The following SCD5 variants were observed in gnomAD, a reference collection of about 807,000 sequenced individuals.
SCD5 encodes the protein stearoyl-CoA desaturase 5, also known as acyl-CoA-desaturase 4.
SCD5 carries 20 observed loss-of-function variants against 30.4 expected under a neutral mutation model. That is an observed-to-expected ratio of 0.66 (90% confidence interval 0.46 to 0.96). SCD5 has a LOEUF of 0.96. Ranked by LOEUF, SCD5 falls within the 40% of genes least tolerant of loss-of-function variation. The pLI, the probability that SCD5 is intolerant of heterozygous loss-of-function variation, is 0.00. For synonymous variants in SCD5, 173 were observed against 176.4 expected, an observed-to-expected ratio of 0.98 and a Z score of 0.16; for missense variants, 381 against 443.3, an observed-to-expected ratio of 0.86 and a Z score of 1.26.
rs778480466 is a variant in SCD5 at position 82,720,441 on chromosome 4, T to TACAAAAAAAAAAAAAAAAAAAA, written c.233-15029_233-15028insTTTTTTTTTTTTTTTTTTTTGT. On this transcript the variant is annotated intron_variant, in intron 1 of 4. Transcript: ENST00000319540. ...GATGCTGTCTCAAAAAAGGCAAAAA[T>TACAAAAAAAAAAAAAAAAAAAA]AAAAAAAAAAAAAAAAAAAAAAGAC... is the stretch of plus-strand genomic sequence containing the variant. Among the ~76,000 whole-genome samples the TACAAAAAAAAAAAAAAAAAAAA allele has an allele frequency of 5.5e-4, 43 of 77,860 alleles. 2 individuals carry two copies. Among genetic ancestry groups the TACAAAAAAAAAAAAAAAAAAAA allele is most frequent in the African/African-American group, 8.6e-4 (16 of 18,698 alleles). The allele number at this position is 77,860 out of a possible 152,430, so 51.1% of individuals were successfully genotyped here. A position where few individuals can be genotyped will look rare whatever the true frequency, so the allele number is the denominator to read the frequency against.
At chr4:82,724,468 A>C (rs2148833350) in intron 1 of SCD5, among the ~76,000 whole-genome samples, 1 of 152,290 alleles carries the variant, frequency 6.6e-6, no homozygotes, top group African/African-American at 2.4e-5. Context: ...AAATAAATAA[A>C]TAAAACAGAC....
intron 1 of SCD5, among the ~76,000 whole-genome samples, chr4:82,759,388 A>AGCG (rs1721301174): frequency 6.6e-6 from 1 of 152,126 alleles, no homozygotes; most frequent in Non-Finnish European, 1.5e-5. Context: ...CAGCTTCACA[A>AGCG]GCGGCCCTCC....
intron 3 of SCD5, among the ~76,000 whole-genome samples, chr4:82,661,337 G>C (rs1728002502): frequency 6.6e-6 from 1 of 152,108 alleles, no homozygotes; most frequent in Non-Finnish European, 1.5e-5. Context: ...ATTCATTCTG[G>C]GTAATGGAAC....
chr4:82,714,487 C>T (rs968243288), intron 1 of SCD5, among the ~76,000 whole-genome samples: 26 of 152,090 alleles, frequency 1.7e-4, no homozygotes, highest in African/African-American at 6.3e-4. Flanking sequence ...TATACAGGAG[C>T]ACCTGAAGCA....
At chr4:82,666,037 T>G (rs1310196645) in intron 3 of SCD5, among the ~76,000 whole-genome samples, 1 of 152,184 alleles carries the variant, frequency 6.6e-6, no homozygotes, top group Non-Finnish European at 1.5e-5. Flanking sequence ...ATTCTTATAT[T>G]TTGTTTATAT....
At chr4:82,727,073 T>C (rs1405419000) in intron 1 of SCD5, among the ~76,000 whole-genome samples, 6 of 152,130 alleles carry the variant, frequency 3.9e-5, no homozygotes, top group African/African-American at 1.2e-4. Flanking sequence ...GTCCACCCCA[T>C]CTCACATCTT....
intron 4 of SCD5, among the ~76,000 whole-genome samples, chr4:82,631,894 C>T (rs370939137): frequency 4.0e-5 from 6 of 151,838 alleles, no homozygotes; most frequent in African/African-American, 1.5e-4. Flanking sequence ...TTTGGAAGAG[C>T]TCAAGAGAGA....
intron 3 of SCD5, among the ~76,000 whole-genome samples, chr4:82,665,076 A>ATAT (rs1367902186): frequency 2.7e-5 from 2 of 74,938 alleles, no homozygotes; most frequent in South Asian, 3.5e-4. Flanking sequence ...ATATATATAT[A>ATAT]TTTTTTTTTT....
intron 1 of SCD5, among the ~76,000 whole-genome samples, chr4:82,776,758 C>A (rs1327776478): frequency 3.3e-5 from 5 of 152,094 alleles, no homozygotes; most frequent in East Asian, 1.9e-4. Context: ...AAAGGCTATG[C>A]CTTATTTTGT....
rs554711291 is a variant in SCD5, at chr4:82,756,788, G to A, written c.232+41518C>T. ...AACCAACACAACATCTCCCTCCTTG[G>A]TCTCCTTGTCTGTAGTCTTGCCCCC... On this transcript the variant is annotated intron_variant, in intron 1 of 4. Coordinates refer to ENST00000319540, the MANE Select transcript of SCD5 (RefSeq NM_001037582.3). Among the ~76,000 whole-genome samples, 7 of 151,814 alleles carry A rather than the reference G, an allele frequency of 4.6e-5. No individual in the cohort carries two copies. The East Asian group carries it at 1.4e-3, about 30-fold the overall frequency.
chr4:82,632,483 G>A (rs1314443350), intron 4 of SCD5, among the ~76,000 whole-genome samples: 1 of 151,974 alleles, frequency 6.6e-6, no homozygotes, highest in East Asian at 1.9e-4. Flanking sequence ...TGTTAATAGT[G>A]CCACAATAAA....
chr4:82,713,330 T>C (rs1009079634), intron 1 of SCD5, among the ~76,000 whole-genome samples: 5 of 152,162 alleles, frequency 3.3e-5, no homozygotes, highest in African/African-American at 1.2e-4. Context: ...ACAGCTTATA[T>C]AGCAATAAGC....
chr4:82,784,174 GA>G (rs907650849), intron 1 of SCD5, among the ~76,000 whole-genome samples: 111 of 152,034 alleles, frequency 7.3e-4, no homozygotes, highest in African/African-American at 2.4e-3. Flanking sequence ...TGGTTTCAAA[GA>G]AAAAAAATCC....
chr4:82,764,771 T>C (rs1721452097), intron 1 of SCD5, among the ~76,000 whole-genome samples: 1 of 150,412 alleles, frequency 6.6e-6, no homozygotes, highest in Admixed American at 6.6e-5. Flanking sequence ...TTGTTGCCCA[T>C]GCTACAGTGC....
At chr4:82,668,715 C>T (rs1281482137) in intron 3 of SCD5, among the ~76,000 whole-genome samples, 1 of 152,120 alleles carries the variant, frequency 6.6e-6, no homozygotes, top group African/African-American at 2.4e-5. Context: ...GTTTGGTTTC[C>T]CTGCTGCAGG....
chr4:82,652,900 C>T (rs1180335617), intron 3 of SCD5, among the ~76,000 whole-genome samples: 4 of 152,134 alleles, frequency 2.6e-5, no homozygotes, highest in Non-Finnish European at 5.9e-5. Context: ...CACCTGTAGT[C>T]CCGACACTTT....
chr4:82,665,077 T>TATA (rs1491137528), intron 3 of SCD5, among the ~76,000 whole-genome samples: 3,168 of 58,170 alleles, frequency 0.054, 208 homozygotes, highest in African/African-American at 0.15. Flanking sequence ...TATATATATA[T>TATA]TTTTTTTTTA....
chr4:82,793,515 T>C (rs1471216053), intron 1 of SCD5, among the ~76,000 whole-genome samples: 1 of 152,228 alleles, frequency 6.6e-6, no homozygotes, highest in African/African-American at 2.4e-5. Context: ...AAATCTATCT[T>C]TTCTATGCAA....
intron 1 of SCD5, among the ~76,000 whole-genome samples, chr4:82,772,995 T>C (rs1405096542): frequency 6.6e-6 from 1 of 152,194 alleles, no homozygotes; most frequent in Non-Finnish European, 1.5e-5. Context: ...GGAGACTTAA[T>C]GGATAGGGCA....
Sources: gnomAD v4.1 joint callset for allele counts (sites outside exome capture counted in the v4.1 genomes callset) on GRCh38, gnomAD v4.1.1 for gene constraint, MANE v1.5 for transcripts, NCBI Gene and HGNC (gene_info 2026-07-23, HGNC 2026-07-21) for gene names.